The following SNTG1 variants were observed in gnomAD, a reference collection of about 807,000 sequenced individuals.
SNTG1 encodes the protein syntrophin gamma 1.
Under a neutral mutation model 74.7 loss-of-function variants are expected in SNTG1, and 39 were observed. The observed-to-expected ratio is 0.52, with a 90% CI of 0.40 to 0.68. SNTG1 has a LOEUF of 0.68. Ranked by LOEUF, SNTG1 falls within the 30% of genes least tolerant of loss-of-function variation. SNTG1 has a pLI of 0.00. For missense variants in SNTG1, 685 were observed against 609.5 expected (o/e 1.12, Z -1.30); for synonymous variants, 254 against 217.1 (o/e 1.17, Z -1.49).
chr8:50,537,239 T>G (rs950716576), intron 11 of SNTG1, among the ~76,000 whole-genome samples: 6 of 151,972 alleles, frequency 3.9e-5, no homozygotes, highest in Non-Finnish European at 8.8e-5. Flanking sequence ...ATCCTCCCAC[T>G]TCAGCCTCCC....
intron 1 of SNTG1, among the ~76,000 whole-genome samples, chr8:50,100,995 A>G (rs749803039): frequency 1.3e-5 from 2 of 152,012 alleles, no homozygotes; most frequent in African/African-American, 2.4e-5. Flanking sequence ...CGTGTATTCA[A>G]TGTTTATCTC....
chr8:50,205,566 C>T (rs1005199633), intron 2 of SNTG1, among the ~76,000 whole-genome samples: 5 of 151,380 alleles, frequency 3.3e-5, no homozygotes, highest in African/African-American at 1.2e-4. Flanking sequence ...TGCAGAAGCT[C>T]TTTAATTAGA....
intron 18 of SNTG1, among the ~76,000 whole-genome samples, chr8:50,776,060 G>T (rs2095639924): frequency 6.6e-6 from 1 of 151,340 alleles, no homozygotes; most frequent in Non-Finnish European, 1.5e-5. Flanking sequence ...CAATCTCTGT[G>T]TATTGATTGG....
intron 1 of SNTG1, among the ~76,000 whole-genome samples, chr8:50,035,931 G>T (rs59046807): frequency 0.11 from 16,289 of 152,028 alleles, 2,242 homozygotes; most frequent in African/African-American, 0.31. Context: ...GCTTGGTGAA[G>T]GCCAGGTTTG....
intron 5 of SNTG1, among the ~76,000 whole-genome samples, chr8:50,446,214 CTG>C (rs2093405729): frequency 6.6e-6 from 1 of 152,198 alleles, no homozygotes; most frequent in Non-Finnish European, 1.5e-5. Flanking sequence ...ATCTAATTAA[CTG>C]TAGCAGCTGA....
chr8:50,244,662 G>A (rs2086312074), intron 2 of SNTG1, among the ~76,000 whole-genome samples: 1 of 152,118 alleles, frequency 6.6e-6, no homozygotes, highest in Non-Finnish European at 1.5e-5. Flanking sequence ...AGCTCTATTA[G>A]CACAGCAGAC....
At chr8:50,540,854 AC>A (rs1188559283) in intron 11 of SNTG1, among the ~76,000 whole-genome samples, 1 of 151,880 alleles carries the variant, frequency 6.6e-6, no homozygotes, top group Non-Finnish European at 1.5e-5. Context: ...TATTCTTTAA[AC>A]TTTTATTAGT....
intron 2 of SNTG1, among the ~76,000 whole-genome samples, chr8:50,250,919 C>A (rs560389883): frequency 7.9e-5 from 12 of 152,050 alleles, no homozygotes; most frequent in Admixed American, 7.2e-4. Context: ...AAATGCATAA[C>A]CATACCCAGA....
chr8:50,608,498 G>A (rs2094828864), intron 13 of SNTG1, among the ~76,000 whole-genome samples: 2 of 151,528 alleles, frequency 1.3e-5, no homozygotes, highest in Admixed American at 1.3e-4. Flanking sequence ...TATTTTCTAT[G>A]ATGTCAATAT....
intron 13 of SNTG1, among the ~76,000 whole-genome samples, chr8:50,636,988 G>T (rs923446317): frequency 6.6e-6 from 1 of 152,224 alleles, no homozygotes; most frequent in East Asian, 1.9e-4. Flanking sequence ...TTGTCTTGTA[G>T]CTTTACCATC....
chr8:49,913,487 T>C (rs949395708), intron 1 of SNTG1, among the ~76,000 whole-genome samples: 1 of 152,154 alleles, frequency 6.6e-6, no homozygotes, highest in Non-Finnish European at 1.5e-5. Flanking sequence ...AGTGTAGCAA[T>C]TACTCTGAGG....
chr8:50,533,715 A>G (rs1347365687), intron 10 of SNTG1, among the ~76,000 whole-genome samples: 2 of 152,208 alleles, frequency 1.3e-5, no homozygotes, highest in African/African-American at 2.4e-5. Context: ...CTGTTGAGTC[A>G]AATAACTGAA....
At chr8:50,011,302 C>T (rs1292064780) in intron 1 of SNTG1, among the ~76,000 whole-genome samples, 1 of 152,102 alleles carries the variant, frequency 6.6e-6, no homozygotes, top group Non-Finnish European at 1.5e-5. Flanking sequence ...TTAAAATACC[C>T]CGTTAAAGAT....
intron 3 of SNTG1, among the ~76,000 whole-genome samples, chr8:50,399,367 A>G (rs1336776107): frequency 3.3e-5 from 5 of 152,218 alleles, no homozygotes; most frequent in South Asian, 2.1e-4. Context: ...AACATTTTAC[A>G]TAGTATTTAA....
intron 2 of SNTG1, among the ~76,000 whole-genome samples, chr8:50,289,157 A>G (rs1255616839): frequency 6.6e-6 from 1 of 152,174 alleles, no homozygotes; most frequent in African/African-American, 2.4e-5. Flanking sequence ...GAAGACTACT[A>G]TATAAATATT....
intron 2 of SNTG1, among the ~76,000 whole-genome samples, chr8:50,216,825 G>T (rs1017332999): frequency 6.6e-6 from 1 of 152,090 alleles, no homozygotes; most frequent in East Asian, 1.9e-4. Context: ...AATGATTTTA[G>T]AGATTACTGG....
intron 12 of SNTG1, among the ~76,000 whole-genome samples, chr8:50,571,470 T>A (rs568289912): frequency 6.6e-6 from 1 of 152,318 alleles, no homozygotes; most frequent in South Asian, 2.1e-4. Context: ...GGGAGTGCAG[T>A]GATGGCACAG....
rs534275774 is a variant in SNTG1 at position 49,948,764 on chromosome 8, G to T, written c.-103+36533G>T. 2.6e-4 allele frequency among the ~76,000 whole-genome samples: 39 copies of T among 152,304 alleles called. No homozygotes were observed. In the South Asian group the frequency reaches 4.6e-3, roughly 18 times the overall value. On this transcript the variant is annotated intron_variant, in intron 1 of 18. Coordinates refer to ENST00000642720, the MANE Select transcript of SNTG1 (RefSeq NM_018967.5). Reference sequence around the variant, plus strand: ...TTTCGGCAAAATTAGTGAGAAGGATGCAGTGTCTCTGCTCCTCGGGCTGGA... The same window carrying T: ...TTTCGGCAAAATTAGTGAGAAGGATTCAGTGTCTCTGCTCCTCGGGCTGGA...
rs542300655 is a variant in SNTG1, at chr8:50,255,123, A to G, written c.-28+82488A>G. Among the ~76,000 whole-genome samples, 3 of 152,074 alleles carry G rather than the reference A, an allele frequency of 2.0e-5. No homozygotes were observed. The South Asian group carries it at 6.2e-4, about 32-fold the overall frequency. On this transcript the variant is annotated intron_variant, in intron 2 of 18. Coordinates refer to ENST00000642720, the MANE Select transcript of SNTG1 (RefSeq NM_018967.5). ...TCCTTTTTAATTGACCTTTTTAAAT[A>G]TGAGCTCATCTTAGAGAACTATCTT...
Sources: allele counts gnomAD v4.1 joint callset (sites outside exome capture counted in the v4.1 genomes callset), GRCh38; gene constraint gnomAD v4.1.1; transcripts MANE v1.5; gene names NCBI Gene and HGNC (gene_info 2026-07-23, HGNC 2026-07-21).